The following B3GALT1 variants were observed in gnomAD, a reference collection of about 807,000 sequenced individuals.
The protein encoded by B3GALT1 is beta-1,3-galactosyltransferase 1, also known as UDP-Gal:betaGlcNAc beta 1,3-galactosyltransferase, polypeptide 1.
A neutral mutation model predicts 23.2 loss-of-function variants in B3GALT1; 10 were observed. The observed-to-expected ratio is 0.43, with a 90% CI of 0.27 to 0.73. The LOEUF is 0.73. Ranked by LOEUF, B3GALT1 falls within the 30% of genes least tolerant of loss-of-function variation. B3GALT1 has a pLI of 0.21. For missense variants in B3GALT1, 299 were observed against 405.4 expected, an observed-to-expected ratio of 0.74 and a Z score of 2.25; for synonymous variants, 156 against 141.5, an observed-to-expected ratio of 1.10 and a Z score of -0.73.
At chr2:167,714,842 A>G (rs1399112852) in intron 3 of B3GALT1, 102 of 1,609,628 alleles carry the variant, frequency 6.3e-5, no homozygotes, top group Non-Finnish European at 2.0e-5. Context: ...TTATTCCTCT[A>G]TCTGGTAATT....
intron 1 of B3GALT1, among the ~76,000 whole-genome samples, chr2:167,371,565 A>T (rs1697687288): frequency 6.6e-6 from 1 of 152,170 alleles, no homozygotes; most frequent in Non-Finnish European, 1.5e-5. Flanking sequence ...AACTTTGGGT[A>T]AAACATTTAA....
chr2:167,565,650 C>G (rs946028989), intron 2 of B3GALT1, among the ~76,000 whole-genome samples: 3 of 152,104 alleles, frequency 2.0e-5, no homozygotes, highest in African/African-American at 7.2e-5. Context: ...TGAACTCAAA[C>G]AAATTTACAA....
chr2:167,300,240 C>A (rs1696423635), intron 1 of B3GALT1, among the ~76,000 whole-genome samples: 1 of 152,158 alleles, frequency 6.6e-6, no homozygotes, highest in Non-Finnish European at 1.5e-5. Context: ...AGAGTTATTT[C>A]AATGCTGCCT....
chr2:167,554,577 A>G (rs939758076), intron 2 of B3GALT1, among the ~76,000 whole-genome samples: 2 of 152,102 alleles, frequency 1.3e-5, no homozygotes, highest in African/African-American at 4.8e-5. Context: ...CTCCCCTTCT[A>G]TTGCAGAGCT....
intron 3 of B3GALT1, among the ~76,000 whole-genome samples, chr2:167,809,909 C>G (rs1688844634): frequency 6.6e-6 from 1 of 152,220 alleles, no homozygotes; most frequent in African/African-American, 2.4e-5. Flanking sequence ...AGGCAGGCCT[C>G]CTTGAGCTGT....
rs1696423360 is a variant in B3GALT1 at position 167,300,223 on chromosome 2, G to A, written c.-511+6889G>A. Among the ~76,000 whole-genome samples, 2 of 152,104 alleles carry A rather than the reference G, an allele frequency of 1.3e-5. 1 individual carries two copies. Among genetic ancestry groups the A allele is most frequent in the South Asian group, 4.1e-4 (2 of 4,828 alleles). ...CCCAGCTGAACTTTATATTTTAAATGTTATAAAGAGTTATTTCAATGCTGC... is the reference window on the plus strand; with the variant it reads ...CCCAGCTGAACTTTATATTTTAAATATTATAAAGAGTTATTTCAATGCTGC... On this transcript the variant is annotated intron_variant, in intron 1 of 4. Transcript: ENST00000392690.
intron 1 of B3GALT1, among the ~76,000 whole-genome samples, chr2:167,436,910 C>A (rs1024361853): frequency 6.6e-6 from 1 of 152,104 alleles, no homozygotes; most frequent in African/African-American, 2.4e-5. Flanking sequence ...GAATCTTGAC[C>A]ATTTACACTA....
chr2:167,380,393 C>G (rs555560342), intron 1 of B3GALT1, among the ~76,000 whole-genome samples: 32 of 152,266 alleles, frequency 2.1e-4, no homozygotes, highest in Admixed American at 4.6e-4. Flanking sequence ...CCAGGAGAAA[C>G]TGCAGCTGTA....
At chr2:167,380,078 C>T (rs1697826073) in intron 1 of B3GALT1, among the ~76,000 whole-genome samples, 1 of 152,118 alleles carries the variant, frequency 6.6e-6, no homozygotes, top group South Asian at 2.1e-4. Flanking sequence ...GATCTATGTC[C>T]AGGAAGAGTA....
At chr2:167,454,196 AGT>A (rs35747652) in intron 1 of B3GALT1, among the ~76,000 whole-genome samples, 44 of 152,050 alleles carry the variant, frequency 2.9e-4, no homozygotes, top group East Asian at 3.9e-4. Flanking sequence ...ATAACAGGAA[AGT>A]GTGTGTGTGT....
At chr2:167,548,695 T>TGTGC (rs1683690608) in intron 2 of B3GALT1, among the ~76,000 whole-genome samples, 1 of 149,814 alleles carries the variant, frequency 6.7e-6, no homozygotes, top group African/African-American at 2.5e-5. Context: ...AGTGTGTGTG[T>TGTGC]GTGTGTGTGT....
chr2:167,656,417 C>G (rs2105468626), intron 3 of B3GALT1, among the ~76,000 whole-genome samples: 1 of 152,244 alleles, frequency 6.6e-6, no homozygotes, highest in South Asian at 2.1e-4. Flanking sequence ...GAGAAATTTT[C>G]AGGACCTTTT....
intron 1 of B3GALT1, among the ~76,000 whole-genome samples, chr2:167,327,544 T>TA (rs756788713): frequency 2.0e-5 from 3 of 152,120 alleles, no homozygotes; most frequent in Non-Finnish European, 2.9e-5. Flanking sequence ...GGTGTATAGA[T>TA]ATGCTACTGA....
chr2:167,398,140 T>G (rs1445569940), intron 1 of B3GALT1, among the ~76,000 whole-genome samples: 6 of 152,120 alleles, frequency 3.9e-5, no homozygotes, highest in Non-Finnish European at 7.4e-5. Flanking sequence ...TTCTTTAACT[T>G]GAACAAAGTT....
intron 4 of B3GALT1, among the ~76,000 whole-genome samples, chr2:167,832,286 A>G (rs1689367966): frequency 6.6e-6 from 1 of 152,258 alleles, no homozygotes; most frequent in Non-Finnish European, 1.5e-5. Context: ...TAAGGATGAT[A>G]ACTTGAGAAT....
intron 1 of B3GALT1, among the ~76,000 whole-genome samples, chr2:167,439,792 T>G (rs1698848395): frequency 6.6e-6 from 1 of 152,080 alleles, no homozygotes; most frequent in African/African-American, 2.4e-5. Context: ...ATCTATTTCT[T>G]CTTCCTCCCT....
At chr2:167,571,456 C>T (rs1000279604) in intron 2 of B3GALT1, among the ~76,000 whole-genome samples, 1 of 151,808 alleles carries the variant, frequency 6.6e-6, no homozygotes, top group Non-Finnish European at 1.5e-5. Context: ...CTTGAGTATT[C>T]TGTGTTTCTA....
chr2:167,560,540 C>T (rs1293896669), intron 2 of B3GALT1, among the ~76,000 whole-genome samples: 6 of 152,174 alleles, frequency 3.9e-5, no homozygotes, highest in Non-Finnish European at 7.3e-5. Context: ...GACCCATCAG[C>T]ATGCTGTATT....
At chr2:167,717,789 G>T (rs896030600) in intron 3 of B3GALT1, among the ~76,000 whole-genome samples, 2 of 152,034 alleles carry the variant, frequency 1.3e-5, no homozygotes, top group African/African-American at 2.4e-5. Context: ...TTTGGCAAAG[G>T]CAAGATAATT....
Sources: allele counts gnomAD v4.1 joint callset (sites outside exome capture counted in the v4.1 genomes callset), GRCh38; gene constraint gnomAD v4.1.1; transcripts MANE v1.5; gene names NCBI Gene and HGNC (gene_info 2026-07-23, HGNC 2026-07-21).